Variants in NAALADL2 observed in about 807,000 individuals in gnomAD.
NAALADL2 encodes the protein N-acetylated alpha-linked acidic dipeptidase like 2.
Under a neutral mutation model 87.2 loss-of-function variants are expected in NAALADL2, and 76 were observed. The ratio of observed to expected loss-of-function variants is 0.87; its 90% CI spans 0.72 to 1.05. The LOEUF (loss-of-function observed/expected upper bound fraction) is 1.05, where lower values mean the gene tolerates loss of function less well. Among genes scored for constraint, NAALADL2 ranks in the 50% least tolerant of loss-of-function variants. NAALADL2 has a pLI of 0.00. For missense variants in NAALADL2, 1,089 were observed against 945.8 expected (o/e 1.15, Z -1.99); for synonymous variants, 354 against 331.0 (o/e 1.07, Z -0.75).
chr3:175,187,020 TA>T (rs1377269914), intron 2 of NAALADL2, among the ~76,000 whole-genome samples: 1 of 152,170 alleles, frequency 6.6e-6, no homozygotes, highest in Admixed American at 6.5e-5. Context: ...TTATAATAAA[TA>T]AAATCAAATT....
At chr3:175,593,645 G>GAAT (rs1721845392) in intron 10 of NAALADL2, among the ~76,000 whole-genome samples, 1 of 152,094 alleles carries the variant, frequency 6.6e-6, no homozygotes, top group South Asian at 2.1e-4. Flanking sequence ...GCTTTTTGTG[G>GAAT]TTTGCTGCCA....
intron 1 of NAALADL2, among the ~76,000 whole-genome samples, chr3:175,093,511 C>T (rs1168360452): frequency 4.1e-5 from 6 of 145,944 alleles, no homozygotes; most frequent in Non-Finnish European, 7.5e-5. Context: ...TATTTTTAAG[C>T]TAAATAATTT....
In NAALADL2 at chr3:175,755,210, T is replaced by A; in HGVS notation, c.1991-10T>A. On this transcript the variant is annotated splice_polypyrimidine_tract_variant and intron_variant, in intron 12 of 13. Coordinates refer to ENST00000454872, the MANE Select transcript of NAALADL2 (RefSeq NM_207015.3). ...GTCTCTTCTGAGATGGGCTCATTTATCTTCACCAGGTGATCAACCCAACAC... is the reference window on the plus strand; with the variant it reads ...GTCTCTTCTGAGATGGGCTCATTTAACTTCACCAGGTGATCAACCCAACAC... 1 of 1,603,776 alleles carries A rather than the reference T, an allele frequency of 6.2e-7. No homozygotes were observed. Among genetic ancestry groups the A allele is most frequent in the Admixed American group, 1.7e-5 (1 of 58,920 alleles).
intron 1 of NAALADL2, among the ~76,000 whole-genome samples, chr3:175,038,649 C>A (rs901852023): frequency 6.6e-6 from 1 of 152,228 alleles, no homozygotes; most frequent in Admixed American, 6.5e-5. Context: ...ATCAACAATG[C>A]GTAACTTGAA....
intron 5 of NAALADL2, among the ~76,000 whole-genome samples, chr3:175,386,105 C>A (rs1768346101): frequency 6.6e-6 from 1 of 152,020 alleles, no homozygotes; most frequent in Admixed American, 6.6e-5. Context: ...TTCTTGACAA[C>A]TGAGGCTAAA....
intron 3 of NAALADL2, among the ~76,000 whole-genome samples, chr3:174,781,904 T>A (rs981073193): frequency 6.6e-6 from 1 of 151,994 alleles, no homozygotes; most frequent in African/African-American, 2.4e-5. Flanking sequence ...TGGGAATGCT[T>A]CTTTCCTTTA....
chr3:175,128,219 T>A (rs1168998593), intron 2 of NAALADL2, among the ~76,000 whole-genome samples: 1 of 152,184 alleles, frequency 6.6e-6, no homozygotes, highest in Non-Finnish European at 1.5e-5. Flanking sequence ...ATTAACTATA[T>A]TTTATTTAAA....
chr3:175,434,656 C>T (rs1473607647), intron 5 of NAALADL2, among the ~76,000 whole-genome samples: 1 of 151,984 alleles, frequency 6.6e-6, no homozygotes, highest in East Asian at 1.9e-4. Flanking sequence ...AAGAACAAAA[C>T]ACATTCATAG....
intron 2 of NAALADL2, among the ~76,000 whole-genome samples, chr3:175,148,970 T>C (rs945617214): frequency 2.0e-5 from 3 of 152,210 alleles, no homozygotes; most frequent in East Asian, 1.9e-4. Flanking sequence ...GAAAATGTTT[T>C]TCTAATTCTG....
At chr3:174,775,137 A>G (rs1296542387) in intron 3 of NAALADL2, among the ~76,000 whole-genome samples, 1 of 152,050 alleles carries the variant, frequency 6.6e-6, no homozygotes, top group East Asian at 1.9e-4. Flanking sequence ...TAATGACCCT[A>G]TTGAGATAAT....
At chr3:175,074,376 C>T (rs963567742) in intron 1 of NAALADL2, among the ~76,000 whole-genome samples, 1 of 151,950 alleles carries the variant, frequency 6.6e-6, no homozygotes, top group African/African-American at 2.4e-5. Flanking sequence ...ATTCTCAAAG[C>T]CCAATTTTTA....
At chr3:175,223,967 A>G (rs1743789029) in intron 2 of NAALADL2, among the ~76,000 whole-genome samples, 1 of 152,214 alleles carries the variant, frequency 6.6e-6, no homozygotes, top group African/African-American at 2.4e-5. Context: ...TTACTGTTCA[A>G]CATATTACAA....
At chr3:175,607,028 G>A (rs966683219) in intron 10 of NAALADL2, among the ~76,000 whole-genome samples, 3 of 152,188 alleles carry the variant, frequency 2.0e-5, no homozygotes, top group Admixed American at 2.0e-4. Flanking sequence ...TTGAACTGCA[G>A]CTCATTCAAT....
rs115876140 is a variant in NAALADL2 at position 175,190,238 on chromosome 3, T to C, written c.546-43693T>C. On this transcript the variant is annotated intron_variant, in intron 2 of 13. Transcript: ENST00000454872. ...TACATCAAAGTAAAACTAATCTGTG[T>C]ATAGCAAAGGAAACAACAGAATGAA... 7.6e-3 allele frequency among the ~76,000 whole-genome samples: 1,160 copies of C among 152,012 alleles called. 15 individuals carry two copies. The highest frequency in any genetic ancestry group is 0.026 in the African/African-American group (1,074 of 41,474).
intron 4 of NAALADL2, among the ~76,000 whole-genome samples, chr3:175,281,392 C>T (rs1033460934): frequency 2.0e-5 from 3 of 151,840 alleles, no homozygotes; most frequent in Non-Finnish European, 4.4e-5. Flanking sequence ...AACTCTCTCA[C>T]TTTTTCATAT....
chr3:174,971,323 AG>A (rs900691759), intron 1 of NAALADL2, among the ~76,000 whole-genome samples: 1 of 152,206 alleles, frequency 6.6e-6, no homozygotes, highest in African/African-American at 2.4e-5. Context: ...TATTGTTAAA[AG>A]TATGAAAGCA....
At chr3:175,244,893 C>T (rs955912158) in intron 3 of NAALADL2, among the ~76,000 whole-genome samples, 1 of 152,034 alleles carries the variant, frequency 6.6e-6, no homozygotes, top group Non-Finnish European at 1.5e-5. Context: ...CTGTTGATGT[C>T]TATGTTTACT....
chr3:174,502,293 AT>A (rs1358476591), intron 1 of NAALADL2, among the ~76,000 whole-genome samples: 1 of 152,146 alleles, frequency 6.6e-6, no homozygotes, highest in Non-Finnish European at 1.5e-5. Context: ...CTCTAAATGA[AT>A]TTTTTTGTTG....
At chr3:175,278,891 T>A (rs1002603912) in intron 4 of NAALADL2, among the ~76,000 whole-genome samples, 1 of 152,204 alleles carries the variant, frequency 6.6e-6, no homozygotes, top group Non-Finnish European at 1.5e-5. Context: ...GGGAAACTTA[T>A]GAAATATTTG....
Sources: gnomAD v4.1 joint callset for allele counts (sites outside exome capture counted in the v4.1 genomes callset) on GRCh38, gnomAD v4.1.1 for gene constraint, MANE v1.5 for transcripts, NCBI Gene and HGNC (gene_info 2026-07-23, HGNC 2026-07-21) for gene names.